The following CELF2 variants were observed in gnomAD, a reference collection of about 807,000 sequenced individuals.
CELF2 encodes the protein CUG triplet repeat RNA-binding protein 2.
In CELF2, 8 loss-of-function variants were observed where a neutral mutation model predicts 62.6. That is an observed-to-expected ratio of 0.13 (90% CI 0.07 to 0.23). CELF2 has a LOEUF of 0.23. Among genes scored for constraint, CELF2 ranks in the 10% least tolerant of loss-of-function variants. The pLI, the probability that CELF2 is intolerant of heterozygous loss-of-function variation, is 1.00. For synonymous variants in CELF2, 258 were observed against 250.0 expected, an observed-to-expected ratio of 1.03 and a Z score of -0.30; for missense variants, 333 against 671.0, an observed-to-expected ratio of 0.50 and a Z score of 5.56.
At position 11,314,621 on chromosome 10, in the gene CELF2, G is replaced by T. The variant is rs1401645262; in HGVS notation, c.1096+363G>T. 2.9e-6 allele frequency: 1 copy of T among 348,334 alleles called. No individual in the cohort carries two copies. Among genetic ancestry groups the T allele is most frequent in the East Asian group, 7.7e-5 (1 of 13,026 alleles). 21.6% of individuals were successfully genotyped at this position (348,334 alleles called of 1,614,324 possible). A position where few individuals can be genotyped will look rare whatever the true frequency, so the allele number is the denominator to read the frequency against. On this transcript the variant is annotated intron_variant, in intron 10 of 12. Transcript: ENST00000633077. This position sits in a 1 kb window ranked among gnomAD's most constrained non-coding sequence, Gnocchi z 5.3. ...GTGGGAAAAGTTAATGGACTGGAAG[G>T]CTGGAAGCCTGAACCCAGCTCTGCT...
chr10:10,846,761 A>G (rs1321877384), intron 1 of CELF2, among the ~76,000 whole-genome samples: 1 of 152,232 alleles, frequency 6.6e-6, no homozygotes, highest in Non-Finnish European at 1.5e-5. Flanking sequence ...GCACATCTGA[A>G]TCTTGAAATC....
the CELF2 span, among the ~76,000 whole-genome samples, chr10:10,706,571 G>A: frequency 6.6e-6 from 1 of 152,146 alleles, no homozygotes; most frequent in Non-Finnish European, 1.5e-5. Flanking sequence ...AAAAAGAAAT[G>A]AGATCCTCCA....
At chr10:11,134,410 C>T (rs568945444) in intron 1 of CELF2, among the ~76,000 whole-genome samples, 29 of 152,326 alleles carry the variant, frequency 1.9e-4, no homozygotes, top group African/African-American at 6.5e-4. Context: ...TGGGAACTTT[C>T]GGTAGCCACA....
At chr10:11,253,813 C>T (rs1413525450) in intron 4 of CELF2, among the ~76,000 whole-genome samples, 3 of 152,182 alleles carry the variant, frequency 2.0e-5, no homozygotes, top group Admixed American at 2.0e-4. Flanking sequence ...TTACTAATCA[C>T]GGGGGACCCC....
chr10:10,620,782 T>G, the CELF2 span, among the ~76,000 whole-genome samples: 1 of 144,508 alleles, frequency 6.9e-6, no homozygotes, highest in Non-Finnish European at 1.5e-5. Context: ...GGCAGGCGCC[T>G]GTAGGTAGTC....
chr10:10,536,139 C>A, the CELF2 span, among the ~76,000 whole-genome samples: 3 of 151,804 alleles, frequency 2.0e-5, no homozygotes, highest in African/African-American at 7.3e-5. Flanking sequence ...ACTGCCTCAG[C>A]CTCCTGAGTA....
chr10:10,765,796 G>A, the CELF2 span, among the ~76,000 whole-genome samples: 1 of 152,192 alleles, frequency 6.6e-6, no homozygotes, highest in Admixed American at 6.5e-5. Context: ...CATGAGGACT[G>A]AGTGTCTTTT....
the CELF2 span, among the ~76,000 whole-genome samples, chr10:10,791,371 T>C: frequency 2.0e-5 from 3 of 151,598 alleles, no homozygotes; most frequent in Non-Finnish European, 4.4e-5. Context: ...GGGGTACAGC[T>C]ACCAATTTCC....
At chr10:11,056,983 G>A (rs376450231) in intron 1 of CELF2, among the ~76,000 whole-genome samples, 7 of 152,150 alleles carry the variant, frequency 4.6e-5, no homozygotes, top group Non-Finnish European at 8.8e-5. Context: ...AGTAAGAACC[G>A]CTGCGTGAAG....
the CELF2 span, among the ~76,000 whole-genome samples, chr10:10,738,478 G>A: frequency 6.6e-6 from 1 of 152,186 alleles, no homozygotes; most frequent in African/African-American, 2.4e-5. Context: ...AGTCATGCCA[G>A]GGCATGTACC....
intron 1 of CELF2, among the ~76,000 whole-genome samples, chr10:10,815,569 G>A (rs1205223888): frequency 6.6e-6 from 1 of 152,114 alleles, no homozygotes; most frequent in East Asian, 1.9e-4. Context: ...AACATATCTT[G>A]GGCAAAGTCT....
In CELF2 at chr10:11,318,975, T is replaced by G. The variant is rs764056639; in HGVS notation, c.1097-2214T>G. On this transcript the variant is annotated intron_variant, in intron 10 of 12. Coordinates refer to ENST00000633077, the MANE Select transcript of CELF2 (RefSeq NM_001326342.2). This position sits in a 1 kb window ranked among gnomAD's most constrained non-coding sequence, Gnocchi z 5.4. Reference sequence around the variant, plus strand: ...ATGCTGCCCACCCCTCCATGGGAACTTGGAGGCGTCCACTGGAGACGAGCT... The same window carrying G: ...ATGCTGCCCACCCCTCCATGGGAACGTGGAGGCGTCCACTGGAGACGAGCT... The G allele has an allele frequency of 2.1e-5, 10 of 471,118 alleles. No homozygotes were observed. Among genetic ancestry groups the G allele is most frequent in the Non-Finnish European group, 4.0e-5 (9 of 227,030 alleles). 29.2% of individuals were successfully genotyped at this position (471,118 alleles called of 1,614,324 possible). A position where few individuals can be genotyped will look rare whatever the true frequency, so the allele number is the denominator to read the frequency against.
chr10:11,263,319 G>A (rs978872501), intron 5 of CELF2, among the ~76,000 whole-genome samples: 1 of 151,866 alleles, frequency 6.6e-6, no homozygotes, highest in African/African-American at 2.4e-5. Flanking sequence ...ATTTACAGTT[G>A]GATTTTTTTT....
the CELF2 span, among the ~76,000 whole-genome samples, chr10:10,554,003 G>A: frequency 1.3e-5 from 2 of 152,194 alleles, no homozygotes; most frequent in African/African-American, 4.8e-5. Context: ...TGGCCCTGGG[G>A]TGAAGGATAG....
chr10:10,981,738 A>C (rs2052133904), intron 2 of CELF2, among the ~76,000 whole-genome samples: 1 of 152,162 alleles, frequency 6.6e-6, no homozygotes, highest in African/African-American at 2.4e-5. Context: ...TGCACTTTCT[A>C]TGTGCCCGGC....
At position 10,936,108 on chromosome 10, in the gene CELF2, G is replaced by T. The variant is rs1405505191; in HGVS notation, c.89+16109G>T. Among the ~76,000 whole-genome samples, 1 of 152,036 alleles carries T rather than the reference G, an allele frequency of 6.6e-6. No individual in the cohort carries two copies. Among genetic ancestry groups the T allele is most frequent in the Non-Finnish European group, 1.5e-5 (1 of 68,014 alleles). On this transcript the variant is annotated intron_variant, in intron 2 of 13. Coordinates refer to the CELF2 transcript ENST00000636488. This position sits in a 1 kb window ranked among gnomAD's most constrained non-coding sequence, Gnocchi z 4.0. ...ACCCTGGAGGCAGAGGTTGCAGTAA[G>T]CCAAGATTGCACCACTGCACTCCAG...
At chr10:10,996,204 T>G (rs2053930085) in intron 2 of CELF2, among the ~76,000 whole-genome samples, 2 of 152,238 alleles carry the variant, frequency 1.3e-5, no homozygotes, top group South Asian at 4.1e-4. Context: ...ACTGGCCTGC[T>G]GGAAGCATAA....
rs547738571 is a variant in CELF2, at chr10:10,927,561, G to A, written c.89+7562G>A. 3.9e-5 allele frequency among the ~76,000 whole-genome samples: 6 copies of A among 152,090 alleles called. No individual in the cohort carries two copies. The South Asian group carries it at 8.3e-4, about 21-fold the overall frequency. On this transcript the variant is annotated intron_variant, in intron 2 of 13. Coordinates refer to the CELF2 transcript ENST00000636488. ...TCCTGCCTCAGACTCCCAAGTAGCT[G>A]GGACTACAGGTGTACATCAGCACAC...
chr10:11,087,208 C>T (rs918927694), intron 1 of CELF2, among the ~76,000 whole-genome samples: 1 of 152,082 alleles, frequency 6.6e-6, no homozygotes, highest in African/African-American at 2.4e-5. Context: ...ATGGACGACC[C>T]CAGGAATGCT....
Sources: allele counts gnomAD v4.1 joint callset (sites outside exome capture counted in the v4.1 genomes callset), GRCh38; gene constraint gnomAD v4.1.1; non-coding constraint Gnocchi (gnomAD v3.1); transcripts MANE v1.5; gene names NCBI Gene and HGNC (gene_info 2026-07-23, HGNC 2026-07-21).